Variants in CDH18 observed in about 807,000 individuals in gnomAD.
CDH18 encodes cadherin-18.
CDH18 carries 31 observed loss-of-function variants against 67.9 expected under a neutral mutation model. The observed-to-expected ratio is 0.46, with a 90% CI of 0.34 to 0.62. The LOEUF is 0.62. CDH18 is among the 20% of genes least tolerant of loss of function. The pLI is 0.01. For missense variants in CDH18, 890 were observed against 975.5 expected (o/e 0.91, Z 1.17); for synonymous variants, 362 against 347.2 (o/e 1.04, Z -0.48).
At chr5:20,385,934 T>TTTTATTTAAAATACAGAA (rs1744278658) in intron 1 of CDH18, among the ~76,000 whole-genome samples, 1 of 152,230 alleles carries the variant, frequency 6.6e-6, no homozygotes, top group Non-Finnish European at 1.5e-5. Flanking sequence ...CAGAAACTAT[T>TTTTATTTAAAATACAGAA]ACGAGGAACT....
intron 2 of CDH18, among the ~76,000 whole-genome samples, chr5:20,036,699 T>G (rs1351195887): frequency 6.6e-6 from 1 of 152,114 alleles, no homozygotes; most frequent in Admixed American, 6.6e-5. Flanking sequence ...ATCTGTCTAA[T>G]ATTGACAGTG....
intron 1 of CDH18, among the ~76,000 whole-genome samples, chr5:20,441,073 G>A (rs1749569395): frequency 6.6e-6 from 1 of 151,756 alleles, no homozygotes; most frequent in South Asian, 2.1e-4. Context: ...TTATGAGTCT[G>A]GATAATGGGA....
chr5:20,330,729 G>A (rs780995292), intron 1 of CDH18, among the ~76,000 whole-genome samples: 3 of 152,178 alleles, frequency 2.0e-5, no homozygotes, highest in South Asian at 2.1e-4. Flanking sequence ...AGAATCAGGC[G>A]AGAAGGGATG....
chr5:20,107,445 T>C (rs905017726), intron 2 of CDH18, among the ~76,000 whole-genome samples: 2 of 152,220 alleles, frequency 1.3e-5, no homozygotes, highest in African/African-American at 4.8e-5. Context: ...CTGCAAATTA[T>C]TTCAGGTATC....
chr5:20,419,142 G>A (rs976024594), intron 1 of CDH18, among the ~76,000 whole-genome samples: 2 of 152,148 alleles, frequency 1.3e-5, no homozygotes, highest in Admixed American at 1.3e-4. Context: ...TAAGTCTCAC[G>A]AGATCTGATG....
intron 2 of CDH18, among the ~76,000 whole-genome samples, chr5:20,001,509 C>A (rs922838359): frequency 1.3e-5 from 2 of 152,010 alleles, no homozygotes; most frequent in Non-Finnish European, 2.9e-5. Flanking sequence ...ACAGAACAAG[C>A]TAAAAAGAGA....
rs557507142 is a variant in CDH18 at position 20,481,110 on chromosome 5, A to G, written c.-580+94352T>C. 3.3e-5 allele frequency among the ~76,000 whole-genome samples: 5 copies of G among 152,216 alleles called. No homozygotes were observed. The South Asian group carries it at 1.0e-3, about 32-fold the overall frequency. The stretch of plus-strand genomic sequence containing the variant: ...TGCCTTCAACACAGTTCACCTATAA[A>G]GACACACATAGACTGAAAATAAAGG... On this transcript the variant is annotated intron_variant, in intron 1 of 14. Coordinates refer to the CDH18 transcript ENST00000507958.
chr5:20,415,025 T>C (rs1262480161), intron 1 of CDH18, among the ~76,000 whole-genome samples: 2 of 152,180 alleles, frequency 1.3e-5, no homozygotes, highest in African/African-American at 4.8e-5. Flanking sequence ...ATCCAAAAGA[T>C]ACTAACATGT....
intron 9 of CDH18, among the ~76,000 whole-genome samples, chr5:19,533,711 T>C (rs1319456457): frequency 3.3e-5 from 5 of 152,084 alleles, no homozygotes; most frequent in South Asian, 4.1e-4. Context: ...GGCCAGAGAC[T>C]TGGCATGGAC....
intron 2 of CDH18, among the ~76,000 whole-genome samples, chr5:19,964,144 T>C (rs925504940): frequency 3.3e-5 from 5 of 152,108 alleles, no homozygotes; most frequent in African/African-American, 1.2e-4. Flanking sequence ...ATGAAGTCTA[T>C]CATTTGATTT....
chr5:20,103,704 A>G (rs1033892079), intron 2 of CDH18, among the ~76,000 whole-genome samples: 4 of 151,514 alleles, frequency 2.6e-5, no homozygotes, highest in African/African-American at 9.7e-5. Flanking sequence ...CTGCACTCCA[A>G]CCTGGGCAAT....
intron 5 of CDH18, among the ~76,000 whole-genome samples, chr5:19,699,638 G>C (rs867471807): frequency 2.4e-4 from 35 of 144,442 alleles, no homozygotes; most frequent in East Asian, 1.7e-3. Context: ...GTGTGTGTGT[G>C]TGTCTGTGTG....
chr5:19,482,044 A>T (rs1739514960), intron 12 of CDH18, among the ~76,000 whole-genome samples: 1 of 152,172 alleles, frequency 6.6e-6, no homozygotes, highest in Non-Finnish European at 1.5e-5. Context: ...ACAACAGATA[A>T]TGTAAAATTA....
At chr5:19,907,839 T>C (rs561691561) in intron 2 of CDH18, among the ~76,000 whole-genome samples, 1 of 152,202 alleles carries the variant, frequency 6.6e-6, no homozygotes, top group East Asian at 1.9e-4. Context: ...TTCTTGATCT[T>C]TACAAACATA....
At chr5:20,501,163 A>G (rs1462673661) in intron 1 of CDH18, among the ~76,000 whole-genome samples, 1 of 151,982 alleles carries the variant, frequency 6.6e-6, no homozygotes, top group Non-Finnish European at 1.5e-5. Flanking sequence ...TTGTTTAAAT[A>G]CTTTAAGGAA....
At chr5:19,861,717 G>A (rs559016058) in intron 2 of CDH18, among the ~76,000 whole-genome samples, 1 of 152,202 alleles carries the variant, frequency 6.6e-6, no homozygotes, top group Non-Finnish European at 1.5e-5. Flanking sequence ...AAAAGAAGAT[G>A]ATTCAAAGAT....
chr5:20,450,538 C>A (rs1389470726), intron 1 of CDH18, among the ~76,000 whole-genome samples: 1 of 151,812 alleles, frequency 6.6e-6, no homozygotes, highest in East Asian at 1.9e-4. Context: ...TAAAAGAAAA[C>A]CAAATAACTC....
chr5:19,711,143 T>C (rs531129014), intron 5 of CDH18, among the ~76,000 whole-genome samples: 68 of 152,148 alleles, frequency 4.5e-4, no homozygotes, highest in African/African-American at 1.6e-3. Flanking sequence ...ATAAAAATAC[T>C]AGAAGAAAAC....
At chr5:20,216,042 G>C (rs375162139) in intron 2 of CDH18, among the ~76,000 whole-genome samples, 1 of 151,868 alleles carries the variant, frequency 6.6e-6, no homozygotes, top group Admixed American at 6.6e-5. Context: ...TTAATACCTG[G>C]GTGATTAAAT....
Sources: allele counts gnomAD v4.1 joint callset (sites outside exome capture counted in the v4.1 genomes callset), GRCh38; gene constraint gnomAD v4.1.1; transcripts MANE v1.5; gene names NCBI Gene and HGNC (gene_info 2026-07-23, HGNC 2026-07-21).